ABHD2: variants seen among roughly 807,000 people sequenced by gnomAD.
ABHD2 encodes the protein monoacylglycerol lipase ABHD2.
A neutral mutation model predicts 48.1 loss-of-function variants in ABHD2; 20 were observed. The ratio of observed to expected loss-of-function variants is 0.42; its 90% CI spans 0.29 to 0.60. ABHD2 has a LOEUF of 0.60. ABHD2 is among the 20% of genes least tolerant of loss of function. The pLI is 0.24. For missense variants in ABHD2, 405 were observed against 550.9 expected (o/e 0.74, Z 2.65); for synonymous variants, 209 against 214.2 (o/e 0.98, Z 0.21).
Position 89,151,922 on chromosome 15 carries a change from C to A in ABHD2, c.370+70C>A. On this transcript the variant is annotated intron_variant, in intron 4 of 10. Transcript: ENST00000352732. The surrounding 1 kb of genome is among the most constrained non-coding windows in gnomAD (Gnocchi z 4.7). The stretch of plus-strand genomic sequence containing the variant: ...GAGCACTAGTCAGTGGAGAGCACAG[C>A]AGTGTGAATACTTGTGCCACTGACT... 1 of 1,546,530 alleles carries A rather than the reference C, an allele frequency of 6.5e-7. No homozygotes were observed. Among genetic ancestry groups the A allele is most frequent in the Non-Finnish European group, 8.8e-7 (1 of 1,141,472 alleles).
At chr15:89,117,945 AAG>A (rs2049987573) in intron 3 of ABHD2, among the ~76,000 whole-genome samples, 1 of 152,192 alleles carries the variant, frequency 6.6e-6, no homozygotes, top group African/African-American at 2.4e-5. Flanking sequence ...ACCCCAAGTC[AAG>A]AGAGAGATTG....
chr15:89,162,999 T>A (rs1010443801), intron 5 of ABHD2, among the ~76,000 whole-genome samples: 1 of 152,184 alleles, frequency 6.6e-6, no homozygotes, highest in Non-Finnish European at 1.5e-5. Context: ...AACTAGTACA[T>A]CCCAAACCAT....
At chr15:89,109,619 A>T (rs2049842079) in intron 1 of ABHD2, among the ~76,000 whole-genome samples, 1 of 152,138 alleles carries the variant, frequency 6.6e-6, no homozygotes, top group South Asian at 2.1e-4. Flanking sequence ...ACAAAATAAT[A>T]CAATGGAATC....
At chr15:89,065,094 T>C in the ABHD2 span, among the ~76,000 whole-genome samples, 2 of 152,234 alleles carry the variant, frequency 1.3e-5, no homozygotes, top group Non-Finnish European at 2.9e-5. Context: ...AAAACATGGG[T>C]GCTATGGGCA....
chr15:89,164,248 C>T lies in ABHD2; in HGVS notation c.538+8714C>T, dbSNP rs772379090. On this transcript the variant is annotated intron_variant, in intron 5 of 10. Coordinates refer to ENST00000352732, the MANE Select transcript of ABHD2 (RefSeq NM_152924.5). The surrounding 1 kb of genome is among the most constrained non-coding windows in gnomAD (Gnocchi z 5.0). ...GGGAAGGAGGGTGCACAGTCACAGT[C>T]GGTCTAAGCTTATTGGCTAGGTTTG... Among the ~76,000 whole-genome samples the T allele has an allele frequency of 2.6e-5, 4 of 152,258 alleles. No homozygotes were observed. Among genetic ancestry groups the T allele is most frequent in the South Asian group, 4.1e-4 (2 of 4,820 alleles).
intron 3 of ABHD2, among the ~76,000 whole-genome samples, chr15:89,117,862 G>T (rs2049986162): frequency 6.6e-6 from 1 of 152,194 alleles, no homozygotes; most frequent in South Asian, 2.1e-4. Context: ...ACTATTATGT[G>T]CTTTAGGTGT....
At chr15:89,047,880 G>C in the ABHD2 span, among the ~76,000 whole-genome samples, 1 of 145,746 alleles carries the variant, frequency 6.9e-6, no homozygotes, top group Admixed American at 6.9e-5. Flanking sequence ...TTTAATTGGA[G>C]CATTTAGTCC....
At chr15:89,044,305 G>T in the ABHD2 span, among the ~76,000 whole-genome samples, 1 of 152,134 alleles carries the variant, frequency 6.6e-6, no homozygotes, top group African/African-American at 2.4e-5. Context: ...GTCTATCATT[G>T]TTGGACATCT....
chr15:89,048,708 C>T, the ABHD2 span, among the ~76,000 whole-genome samples: 4 of 152,104 alleles, frequency 2.6e-5, no homozygotes, highest in African/African-American at 9.7e-5. Flanking sequence ...GAGGCTTCTG[C>T]ATTCTTCACG....
At chr15:89,043,775 G>A in the ABHD2 span, among the ~76,000 whole-genome samples, 2 of 151,894 alleles carry the variant, frequency 1.3e-5, no homozygotes, top group South Asian at 2.1e-4. Context: ...AGGAGGAGGA[G>A]GAGATCTAGA....
the ABHD2 span, among the ~76,000 whole-genome samples, chr15:89,046,392 C>T: frequency 6.6e-6 from 1 of 152,000 alleles, no homozygotes; most frequent in Non-Finnish European, 1.5e-5. Context: ...GCTTTGGTAT[C>T]AGGATGATGC....
At chr15:89,121,971 T>G (rs146181362) in intron 3 of ABHD2, among the ~76,000 whole-genome samples, 2 of 152,268 alleles carry the variant, frequency 1.3e-5, no homozygotes, top group African/African-American at 4.8e-5. Flanking sequence ...GGACTACAGG[T>G]GGGCACCACA....
At chr15:89,044,971 T>G in the ABHD2 span, among the ~76,000 whole-genome samples, 1 of 151,156 alleles carries the variant, frequency 6.6e-6, no homozygotes, top group Non-Finnish European at 1.5e-5. Context: ...AGACATGAAG[T>G]CCTTGCCCAT....
chr15:89,087,589 CAG>C (rs1393931169), upstream of ABHD2: 2 of 152,224 alleles, frequency 1.3e-5, no homozygotes, highest in African/African-American at 4.8e-5. This position sits in a 1 kb window ranked among gnomAD's most constrained non-coding sequence, Gnocchi z 5.5. Flanking sequence ...TGGCATTTAT[CAG>C]AGTTTATTTA....
chr15:89,074,298 C>T, the ABHD2 span, among the ~76,000 whole-genome samples: 1 of 152,014 alleles, frequency 6.6e-6, no homozygotes, highest in Non-Finnish European at 1.5e-5. Context: ...ATGGCTTGAA[C>T]CCGGGCGGTG....
At chr15:89,071,372 G>T in the ABHD2 span, among the ~76,000 whole-genome samples, 1 of 152,164 alleles carries the variant, frequency 6.6e-6, no homozygotes, top group Non-Finnish European at 1.5e-5. Flanking sequence ...AGTGAGCCAA[G>T]ATTGTGCCTT....
intron 1 of ABHD2, among the ~76,000 whole-genome samples, chr15:89,095,735 T>G (rs1298577682): frequency 6.6e-6 from 1 of 152,186 alleles, no homozygotes; most frequent in Non-Finnish European, 1.5e-5. Flanking sequence ...ATTCATTTTG[T>G]GCTATGGATT....
chr15:89,063,246 G>T, the ABHD2 span, among the ~76,000 whole-genome samples: 5 of 152,114 alleles, frequency 3.3e-5, no homozygotes, highest in Admixed American at 3.3e-4. Context: ...GGGATTACAG[G>T]TGTGAGCCAC....
Position 89,166,341 on chromosome 15 carries a change from G to A in ABHD2, c.539-9471G>A, listed in dbSNP as rs947912257. 4.6e-5 allele frequency among the ~76,000 whole-genome samples: 7 copies of A among 152,140 alleles called. No individual in the cohort carries two copies. Among genetic ancestry groups the A allele is most frequent in the Non-Finnish European group, 1.0e-4 (7 of 68,026 alleles). On this transcript the variant is annotated intron_variant, in intron 5 of 10. Transcript: ENST00000352732. The surrounding 1 kb of genome is among the most constrained non-coding windows in gnomAD (Gnocchi z 4.6). The stretch of plus-strand genomic sequence containing the variant: ...TCCTGTGAGTTTAAACAGGGAAGAA[G>A]TGGGCCCTTCCCTTATTTCTAAACT...
Sources: allele counts gnomAD v4.1 joint callset (sites outside exome capture counted in the v4.1 genomes callset), GRCh38; gene constraint gnomAD v4.1.1; non-coding constraint Gnocchi (gnomAD v3.1); transcripts MANE v1.5; gene names NCBI Gene and HGNC (gene_info 2026-07-23, HGNC 2026-07-21).